The following ATXN8OS variants were observed in gnomAD, a reference collection of about 807,000 sequenced individuals.
The protein encoded by ATXN8OS is ATXN8 opposite strand (non-protein coding).
intron 4 of ATXN8OS, among the ~76,000 whole-genome samples, chr13:70,151,068 G>A (rs538905964): frequency 4.3e-4 from 65 of 152,090 alleles, no homozygotes; most frequent in African/African-American, 1.0e-3. Flanking sequence ...TGAAACCATC[G>A]CTACAATCAA....
chr13:70,108,086 C>G, intron 1 of ATXN8OS: 1 of 414,206 alleles, frequency 2.4e-6, no homozygotes, highest in South Asian at 9.8e-5. Flanking sequence ...GCTCCGGAGG[C>G]GGCTGCAGCT....
At chr13:70,149,285 A>G (rs1383781097) in intron 4 of ATXN8OS, among the ~76,000 whole-genome samples, 3 of 152,142 alleles carry the variant, frequency 2.0e-5, no homozygotes, top group African/African-American at 7.2e-5. Flanking sequence ...AATCAAAATC[A>G]TAGATTATAT....
At chr13:70,158,473 C>T (rs1225554346) in intron 4 of ATXN8OS, among the ~76,000 whole-genome samples, 2 of 152,102 alleles carry the variant, frequency 1.3e-5, no homozygotes, top group African/African-American at 4.8e-5. Flanking sequence ...TAGGACAGTA[C>T]AAAATATTAG....
intron 1 of ATXN8OS, among the ~76,000 whole-genome samples, chr13:70,109,941 T>A (rs1305547619): frequency 2.6e-5 from 4 of 152,180 alleles, no homozygotes; most frequent in Non-Finnish European, 4.4e-5. Flanking sequence ...TAAAATAATA[T>A]AAAATAACAT....
intron 2 of ATXN8OS, among the ~76,000 whole-genome samples, chr13:70,121,960 T>G (rs1888365620): frequency 6.6e-6 from 1 of 152,162 alleles, no homozygotes; most frequent in South Asian, 2.1e-4. Flanking sequence ...TGGCAGTTAT[T>G]AATATTTTTA....
intron 3 of ATXN8OS, among the ~76,000 whole-genome samples, chr13:70,136,165 G>A (rs1302135811): frequency 6.6e-6 from 1 of 152,158 alleles, no homozygotes; most frequent in Non-Finnish European, 1.5e-5. Context: ...GTGATTGGCT[G>A]AAGCTCAGTT....
intron 3 of ATXN8OS, among the ~76,000 whole-genome samples, chr13:70,145,726 G>T (rs1263986596): frequency 6.6e-6 from 1 of 152,064 alleles, no homozygotes; most frequent in African/African-American, 2.4e-5. Flanking sequence ...TGCTGAAGTT[G>T]CTTCTCAGCT....
chr13:70,136,880 G>C (rs1458984382), intron 3 of ATXN8OS, among the ~76,000 whole-genome samples: 1 of 152,072 alleles, frequency 6.6e-6, no homozygotes, highest in African/African-American at 2.4e-5. Flanking sequence ...AGAACACAAG[G>C]CTATTTTACT....
intron 2 of ATXN8OS, among the ~76,000 whole-genome samples, chr13:70,116,330 G>A (rs886348044): frequency 2.6e-5 from 4 of 152,066 alleles, no homozygotes; most frequent in Non-Finnish European, 5.9e-5. Context: ...GGAAAGGGGG[G>A]CTGAGCTTTA....
chr13:70,107,954 G>T, exon 1 of ATXN8OS: 1 of 458,388 alleles, frequency 2.2e-6, no homozygotes, highest in Non-Finnish European at 3.8e-6. Flanking sequence ...AGGAGCAGAG[G>T]CAGGACTGGG....
chr13:70,149,310 A>T (rs1371695275), intron 4 of ATXN8OS, among the ~76,000 whole-genome samples: 1 of 152,148 alleles, frequency 6.6e-6, no homozygotes, highest in Non-Finnish European at 1.5e-5. Flanking sequence ...AGCTCAATTC[A>T]AAATTTGTAA....
intron 2 of ATXN8OS, among the ~76,000 whole-genome samples, chr13:70,128,283 G>A (rs1221479313): frequency 6.6e-6 from 1 of 151,944 alleles, no homozygotes; most frequent in Non-Finnish European, 1.5e-5. Flanking sequence ...ACACAGCTGG[G>A]GTCCACTTTA....
At chr13:70,160,854 TTA>T (rs926833247) in intron 4 of ATXN8OS, among the ~76,000 whole-genome samples, 1 of 143,948 alleles carries the variant, frequency 6.9e-6, no homozygotes, top group African/African-American at 2.6e-5. Flanking sequence ...TATTTATATT[TTA>T]TGTCTCTTTA....
chr13:70,162,568 C>G (rs940771927), intron 4 of ATXN8OS, among the ~76,000 whole-genome samples: 3 of 152,058 alleles, frequency 2.0e-5, no homozygotes, highest in African/African-American at 7.2e-5. Flanking sequence ...GAGAGTAGAT[C>G]TGCTGGGGCT....
intron 4 of ATXN8OS, among the ~76,000 whole-genome samples, chr13:70,159,683 C>T (rs1326610103): frequency 6.6e-6 from 1 of 152,144 alleles, no homozygotes; most frequent in Non-Finnish European, 1.5e-5. Context: ...ATGGCGCTGT[C>T]TTTGTTGTAG....
At chr13:70,168,572 ACT>A (rs1193720468) in intron 4 of ATXN8OS, among the ~76,000 whole-genome samples, 5 of 142,362 alleles carry the variant, frequency 3.5e-5, no homozygotes, top group Non-Finnish European at 6.1e-5. Flanking sequence ...CTATCATTCT[ACT>A]CTCTATCTCT....
chr13:70,141,115 A>C (rs1039474054), intron 3 of ATXN8OS, among the ~76,000 whole-genome samples: 5 of 152,176 alleles, frequency 3.3e-5, no homozygotes, highest in Non-Finnish European at 7.4e-5. Flanking sequence ...CTTGCTGTAC[A>C]TCCTCAAGGC....
At chr13:70,146,065 A>G (rs1269412891) in intron 3 of ATXN8OS, among the ~76,000 whole-genome samples, 1 of 35,036 alleles carries the variant, frequency 2.9e-5, no homozygotes. Context: ...CAAATTTACA[A>G]GAAAAAAAAA....
intron 4 of ATXN8OS, among the ~76,000 whole-genome samples, chr13:70,155,538 T>C (rs1469394737): frequency 6.6e-6 from 1 of 152,150 alleles, no homozygotes. Context: ...GCCTGTTAAA[T>C]GGTTATCATA....
Sources: gnomAD v4.1 joint callset for allele counts (sites outside exome capture counted in the v4.1 genomes callset) on GRCh38, gnomAD v4.1.1 for gene constraint, MANE v1.5 for transcripts, NCBI Gene and HGNC (gene_info 2026-07-23, HGNC 2026-07-21) for gene names.